Variants in PFKFB1 observed in about 807,000 individuals in gnomAD.
PFKFB1 encodes the protein 6-phosphofructo-2-kinase/fructose-2,6-biphosphatase 1.
In PFKFB1, 34 loss-of-function variants were observed where a neutral mutation model predicts 46.4. The ratio of observed to expected loss-of-function variants is 0.73; its 90% CI spans 0.56 to 0.98. The LOEUF (loss-of-function observed/expected upper bound fraction) is 0.98, where lower values mean the gene tolerates loss of function less well. Ranked by LOEUF, PFKFB1 falls within the 50% of genes least tolerant of loss-of-function variation. The pLI, the probability that PFKFB1 is intolerant of heterozygous loss-of-function variation, is 0.00. For synonymous variants in PFKFB1, 119 were observed against 133.8 expected (o/e 0.89, Z 0.76); for missense variants, 393 against 376.3 (o/e 1.04, Z -0.37).
At chrX:54,988,211 A>G (rs1376457098) in intron 1 of PFKFB1, among the ~76,000 whole-genome samples, 1 of 111,814 alleles carries the variant, frequency 8.9e-6, no homozygotes, top group Non-Finnish European at 1.9e-5. Flanking sequence ...GAGCAAACAA[A>G]ATGAAATTAA....
intron 10 of PFKFB1, among the ~76,000 whole-genome samples, chrX:54,941,848 A>T (rs1178273550): frequency 1.8e-5 from 2 of 112,062 alleles, no homozygotes; most frequent in East Asian, 5.6e-4. Context: ...CTCCTCAGGG[A>T]TCTAGAACTA....
At chrX:54,972,919 G>T (rs1314609282) in intron 1 of PFKFB1, among the ~76,000 whole-genome samples, 1 of 111,654 alleles carries the variant, frequency 9.0e-6, no homozygotes, top group Non-Finnish European at 1.9e-5. Flanking sequence ...AATGGTACCA[G>T]TTCCTCCTTG....
chrX:54,954,679 C>G, intron 7 of PFKFB1, among the ~76,000 whole-genome samples: 1 of 111,863 alleles, frequency 8.9e-6, no homozygotes, highest in Admixed American at 9.5e-5. Context: ...TCCTACAGCC[C>G]AGTTGGTTTA....
In PFKFB1 at chrX:54,949,091, A is replaced by T. The variant is rs759937599; in HGVS notation, c.977T>A (p.Leu326Gln). 3.8e-5 allele frequency: 46 copies of T among 1,209,357 alleles called. No individual in the cohort carries two copies. The highest frequency in any genetic ancestry group is 2.3e-4 in the Middle Eastern group (1 of 4,373). Residue 326 changes from leucine (L) to glutamine (Q), a missense_variant, in exon 9 of 14, where the codon CTG becomes CAG. Leu to Gln is a moderately radical substitution (Grantham distance 113, BLOSUM62 -2). Transcript: ENST00000375006. Reference protein sequence around the residue: ...LGVPYEQWKALNEIDAGVCEE... With the variant: ...LGVPYEQWKAQNEIDAGVCEE... Reference sequence around the variant, plus strand: ...GCATCTCACCGCATCAATCTCATTCAGGGCCTTCCACTGCTCATAGGGGAC... The same window carrying T: ...GCATCTCACCGCATCAATCTCATTCTGGGCCTTCCACTGCTCATAGGGGAC...
At chrX:54,955,370 C>T (rs780276889) in intron 7 of PFKFB1, among the ~76,000 whole-genome samples, 2 of 111,429 alleles carry the variant, frequency 1.8e-5, no homozygotes, top group Non-Finnish European at 3.8e-5. Flanking sequence ...CTTGGGGTCT[C>T]TTCTCATCAT....
intron 2 of PFKFB1, among the ~76,000 whole-genome samples, chrX:54,962,675 G>C (rs1934351833): frequency 8.9e-6 from 1 of 112,082 alleles, no homozygotes; most frequent in Non-Finnish European, 1.9e-5. Context: ...GATTAACAAG[G>C]AAAAGAAGGA....
intron 1 of PFKFB1, among the ~76,000 whole-genome samples, chrX:54,975,553 G>A (rs765451542): frequency 4.1e-4 from 46 of 110,869 alleles, no homozygotes; most frequent in South Asian, 7.6e-4. Context: ...GGTGACGGAT[G>A]CACCAAAATC....
At chrX:54,986,771 A>T (rs765977328) in intron 1 of PFKFB1, among the ~76,000 whole-genome samples, 1 of 112,063 alleles carries the variant, frequency 8.9e-6, no homozygotes, top group South Asian at 3.7e-4. Flanking sequence ...CAAGAGAGAC[A>T]ATATTCTAGG....
At chrX:54,939,852 C>A (rs1228322549) in intron 10 of PFKFB1, among the ~76,000 whole-genome samples, 1 of 111,810 alleles carries the variant, frequency 8.9e-6, no homozygotes, top group Non-Finnish European at 1.9e-5. Flanking sequence ...GAAACTATTC[C>A]AATCAATAGA....
At chrX:54,977,150 C>T (rs997597773) in intron 1 of PFKFB1, among the ~76,000 whole-genome samples, 10 of 111,112 alleles carry the variant, frequency 9.0e-5, no homozygotes, top group African/African-American at 3.3e-4. Context: ...AATGTCTGAG[C>T]AACTCAATAT....
At position 54,951,905 on chromosome X, in the gene PFKFB1, C is replaced by T; in HGVS notation, c.846G>A (p.Gln282=). The part of the protein sequence containing the change: ...GDSGLSVRGK[Q]YAYALANFIQ... ...TCTGGGTGTGTGTGGCCCACCCTAC[C>T]TGCTTGCCGCGAACTGAGAGGCCAG... Residue 282 remains glutamine, a splice_region_variant and synonymous_variant, in exon 8 of 14, where the codon CAG becomes CAA. Transcript: ENST00000375006. 2 of 1,192,075 alleles carry T rather than the reference C, an allele frequency of 1.7e-6. No individual in the cohort carries two copies. The highest frequency in any genetic ancestry group is 2.3e-6 in the Non-Finnish European group (2 of 884,863).
intron 3 of PFKFB1, 148 bp from the exon 4 acceptor site, chrX:54,960,041 T>C (rs1344018926): frequency 6.1e-6 from 3 of 495,067 alleles, no homozygotes; most frequent in East Asian, 3.7e-5. Context: ...CCCTACGCTT[T>C]AGGCACCGTG....
intron 10 of PFKFB1, among the ~76,000 whole-genome samples, chrX:54,939,677 C>T (rs778996723): frequency 8.9e-6 from 1 of 111,804 alleles, no homozygotes; most frequent in East Asian, 2.8e-4. Context: ...CATACACCCT[C>T]CCAAGACTAA....
chrX:54,952,350 A>C (rs767965001), intron 7 of PFKFB1, among the ~76,000 whole-genome samples: 1 of 111,553 alleles, frequency 9.0e-6, no homozygotes, highest in African/African-American at 3.3e-5. Flanking sequence ...TTCAGCCTCA[A>C]CTTGAGCCAA....
intron 10 of PFKFB1, among the ~76,000 whole-genome samples, chrX:54,938,709 C>A (rs1360001543): frequency 9.0e-6 from 1 of 111,650 alleles, no homozygotes; most frequent in Non-Finnish European, 1.9e-5. Flanking sequence ...AATATATATG[C>A]ACCCAATACA....
chrX:54,988,420 T>C (rs1242363370), intron 1 of PFKFB1, among the ~76,000 whole-genome samples: 1 of 111,628 alleles, frequency 9.0e-6, no homozygotes. Flanking sequence ...AATCTATAGA[T>C]TAAATGCAGC....
chrX:54,933,663 T>C (rs1393715217), intron 13 of PFKFB1, among the ~76,000 whole-genome samples, 158 bp downstream of exon 13: 2 of 111,898 alleles, frequency 1.8e-5, no homozygotes, highest in African/African-American at 6.5e-5. Flanking sequence ...GTGCCTCGTG[T>C]CTGGGTTGTG....
At chrX:54,990,810 T>C (rs978523879) in intron 1 of PFKFB1, among the ~76,000 whole-genome samples, 10 of 112,515 alleles carry the variant, frequency 8.9e-5, no homozygotes, top group Non-Finnish European at 1.5e-4. Flanking sequence ...CTCTAATGTA[T>C]TGTACCACAT....
At chrX:54,972,918 A>C (rs774262051) in intron 1 of PFKFB1, among the ~76,000 whole-genome samples, 3 of 111,773 alleles carry the variant, frequency 2.7e-5, no homozygotes, top group African/African-American at 9.8e-5. Flanking sequence ...GAATGGTACC[A>C]GTTCCTCCTT....
Sources: allele counts gnomAD v4.1 joint callset (sites outside exome capture counted in the v4.1 genomes callset), GRCh38; gene constraint gnomAD v4.1.1; transcripts MANE v1.5; gene names NCBI Gene and HGNC (gene_info 2026-07-23, HGNC 2026-07-21).